Variants in FANCA observed in about 807,000 individuals in gnomAD.
FANCA encodes Fanconi anemia group A protein.
In FANCA, 236 loss-of-function variants were observed where a neutral mutation model predicts 194.3. The ratio of observed to expected loss-of-function variants is 1.21; its 90% confidence interval spans 1.09 to 1.35. The LOEUF (loss-of-function observed/expected upper bound fraction) is 1.35. FANCA is among the 40% of genes most tolerant of loss of function. The pLI is 0.00. For synonymous variants in FANCA, 1,014 were observed against 715.8 expected (o/e 1.42, Z -6.65); for missense variants, 2,628 against 1,813.9 (o/e 1.45, Z -8.15).
rs1451173173 is a variant in FANCA, at chr16:89,810,946, G to C, written c.409C>G (p.Leu137Val). 6.2e-7 allele frequency: 1 copy of C among 1,614,104 alleles called. No individual in the cohort carries two copies. Among genetic ancestry groups the C allele is most frequent in the East Asian group, 2.2e-5 (1 of 44,890 alleles). Residue 137 changes from leucine to valine, a missense_variant, in exon 4 of 43, where the codon CTG (leucine) becomes GTG (valine). Leu to Val is a conservative substitution (Grantham distance 32, BLOSUM62 1). Transcript: ENST00000389301. ...TGTCTTACTCTCTGCTCCACAGTCAGCAGCACAGGGTGACTGGTCTCCGCT... is the reference window on the plus strand; with the variant it reads ...TGTCTTACTCTCTGCTCCACAGTCACCAGCACAGGGTGACTGGTCTCCGCT... ...APAETSHPVL[L>V]TVEQRKKLSS... is the part of the protein sequence containing the mutation.
chr16:89,804,015 G>A (rs976900966), intron 7 of FANCA, among the ~76,000 whole-genome samples: 2 of 152,182 alleles, frequency 1.3e-5, no homozygotes, highest in African/African-American at 4.8e-5. Context: ...GAGGGACCCA[G>A]AAGCATCCTA....
chr16:89,782,982 G>T (rs1381871251), intron 16 of FANCA, 25 bp downstream of exon 16: 2 of 1,612,218 alleles, frequency 1.2e-6, no homozygotes, highest in Admixed American at 1.7e-5. Flanking sequence ...CAGGTGTGAG[G>T]AGTGGGCATG....
chr16:89,807,137 A>G (rs1046706128), intron 6 of FANCA, among the ~76,000 whole-genome samples: 1 of 149,380 alleles, frequency 6.7e-6, no homozygotes, highest in Non-Finnish European at 1.5e-5. Flanking sequence ...TGCTTCATAG[A>G]TTTTGGTGCT....
At chr16:89,740,741 G>A in intron 38 of FANCA, 63 bp downstream of exon 38, 1 of 1,429,388 alleles carries the variant, frequency 7.0e-7, no homozygotes, top group Non-Finnish European at 9.8e-7. Flanking sequence ...GAAGCTGGCT[G>A]CCTGGTGCCC....
rs2040846687 is a variant in FANCA at position 89,810,787 on chromosome 16, G to C, written c.442C>G (p.Leu148Val). 2.5e-6 allele frequency: 4 copies of C among 1,613,084 alleles called. No homozygotes were observed. Among genetic ancestry groups the C allele is most frequent in the Non-Finnish European group, 3.4e-6 (4 of 1,179,102 alleles). Residue 148 changes from leucine (L) to valine (V), a missense_variant, in exon 5 of 43, where the codon CTG (leucine) becomes GTG (valine). Coordinates refer to ENST00000389301, the MANE Select transcript of FANCA (RefSeq NM_000135.4). ...TVEQRKKLSS[L>V]LEFAQYLLAH... Reference sequence around the variant, plus strand: ...AATAAATACTGAGCAAACTCTAACAGGGAAGACAGCTTCTTCTGAAAAGAG... The same window carrying C: ...AATAAATACTGAGCAAACTCTAACACGGAAGACAGCTTCTTCTGAAAAGAG...
chr16:89,783,411 C>T (rs2039788358), intron 15 of FANCA, among the ~76,000 whole-genome samples: 1 of 151,718 alleles, frequency 6.6e-6, no homozygotes, highest in African/African-American at 2.4e-5. Flanking sequence ...ATTAGCCGGG[C>T]GCGGTGGTGG....
In FANCA at chr16:89,791,848, C is replaced by G. The variant is rs191425827; in HGVS notation, c.1225+79G>C. On this transcript the variant is annotated intron_variant, in intron 13 of 42. Coordinates refer to ENST00000389301, the MANE Select transcript of FANCA (RefSeq NM_000135.4). ...GGAAGGGCTTCACTGAGAGGCTCAC[C>G]CACAGTCAGCTGGGACTCTGCTGAC... 332 of 1,571,726 alleles carry G rather than the reference C, an allele frequency of 2.1e-4. 1 individual carries two copies. The African/African-American group carries it at 3.7e-3, about 18-fold the overall frequency.
At chr16:89,806,347 CTTTTT>C (rs34862478) in intron 6 of FANCA, among the ~76,000 whole-genome samples, 1 of 110,452 alleles carries the variant, frequency 9.1e-6, no homozygotes, top group African/African-American at 3.6e-5. Flanking sequence ...CTATATCATT[CTTTTT>C]TTTTTTTTTT....
intron 14 of FANCA, among the ~76,000 whole-genome samples, chr16:89,788,563 A>G (rs563340176): frequency 2.0e-5 from 3 of 152,342 alleles, no homozygotes; most frequent in East Asian, 1.9e-4. Flanking sequence ...TTCGGGGGTT[A>G]AGGTGCGGGG....
chr16:89,778,579 G>C lies in FANCA; in HGVS notation c.1826+222C>G, dbSNP rs547041319. 1.3e-5 allele frequency: 6 copies of C among 479,366 alleles called. No individual in the cohort carries two copies. In the African/African-American group the frequency reaches 1.5e-4, roughly 12 times the overall value. The allele number at this position is 479,366 out of a possible 1,614,324, so 29.7% of individuals were successfully genotyped here. ...AGATGTGGAGGTTGCAGTGAGCCAA[G>C]ATCTCGCCTCTGCACTCCAAGCCTG... On this transcript the variant is annotated intron_variant, in intron 20 of 42. Transcript: ENST00000389301.
chr16:89,812,858 C>G (rs565176057), intron 3 of FANCA, among the ~76,000 whole-genome samples: 1 of 151,018 alleles, frequency 6.6e-6, no homozygotes, highest in Non-Finnish European at 1.5e-5. Context: ...GATGGTGAAA[C>G]CCCGCCTCTA....
chr16:89,766,163 A>G (rs2039120954), intron 27 of FANCA, among the ~76,000 whole-genome samples: 1 of 150,750 alleles, frequency 6.6e-6, no homozygotes, highest in African/African-American at 2.4e-5. Flanking sequence ...CGCCTGGCTA[A>G]TTTTTGTATT....
chr16:89,772,356 C>T (rs953057267), intron 22 of FANCA, among the ~76,000 whole-genome samples: 12 of 152,228 alleles, frequency 7.9e-5, no homozygotes, highest in African/African-American at 1.7e-4. Flanking sequence ...CAGGAACTGG[C>T]GCACTTGGTC....
chr16:89,794,766 T>G (rs762681649), intron 11 of FANCA, among the ~76,000 whole-genome samples: 2 of 152,134 alleles, frequency 1.3e-5, no homozygotes, highest in Admixed American at 6.5e-5. Flanking sequence ...CATCGTGGCC[T>G]TATTCGTAAG....
chr16:89,798,886 A>G, intron 10 of FANCA: 1 of 1,577,282 alleles, frequency 6.3e-7, no homozygotes. Flanking sequence ...AGGAGGTCAC[A>G]GTGAGTGGGA....
chr16:89,779,757 G>A (rs1002660201), intron 18 of FANCA, 112 bp downstream of exon 18: 26 of 889,356 alleles, frequency 2.9e-5, no homozygotes, highest in African/African-American at 8.2e-5. Context: ...GCATCAGAGC[G>A]GAGTCTGCAC....
At chr16:89,802,019 C>T (rs1188195719) in intron 8 of FANCA, among the ~76,000 whole-genome samples, 1 of 152,172 alleles carries the variant, frequency 6.6e-6, no homozygotes, top group Non-Finnish European at 1.5e-5. Context: ...TTTATTGTGG[C>T]ACTATTAACA....
intron 11 of FANCA, 37 bp from the exon 12 acceptor site, chr16:89,792,584 A>C: frequency 6.3e-7 from 1 of 1,587,928 alleles, no homozygotes; most frequent in Non-Finnish European, 8.5e-7. Flanking sequence ...TTCAAGTCAG[A>C]GATCAAAAAG....
In FANCA at chr16:89,749,712, G is replaced by C. The variant is rs781742623; in HGVS notation, c.3239+18C>G. 1.9e-6 allele frequency: 3 copies of C among 1,610,888 alleles called. No individual in the cohort carries two copies. Among genetic ancestry groups the C allele is most frequent in the Non-Finnish European group, 2.5e-6 (3 of 1,178,496 alleles). On this transcript the variant is annotated intron_variant, in intron 32 of 42. Transcript: ENST00000389301. ...TGCCCAGGTGGTGCTGCCCTGCCCA[G>C]GTGGTAGTAGGTGTTACCGTTTGTA...
Sources: gnomAD v4.1 joint callset for allele counts (sites outside exome capture counted in the v4.1 genomes callset) on GRCh38, gnomAD v4.1.1 for gene constraint, MANE v1.5 for transcripts, NCBI Gene and HGNC (gene_info 2026-07-23, HGNC 2026-07-21) for gene names.